The following NPAS3 variants were observed in gnomAD, a reference collection of about 807,000 sequenced individuals.
The protein encoded by NPAS3 is neuronal PAS domain-containing protein 3.
Under a neutral mutation model 73.1 loss-of-function variants are expected in NPAS3, and 14 were observed. That is an observed-to-expected ratio of 0.19 (90% CI 0.13 to 0.30). The LOEUF (loss-of-function observed/expected upper bound fraction) is 0.30. Among genes scored for constraint, NPAS3 ranks in the 10% least tolerant of loss-of-function variants. The probability of loss-of-function intolerance (pLI) is 1.00; values close to 1 mark genes in which losing one functional copy is unlikely to be tolerated. For synonymous variants in NPAS3, 620 were observed against 541.5 expected, an observed-to-expected ratio of 1.14 and a Z score of -2.01; for missense variants, 1,096 against 1,250.0, an observed-to-expected ratio of 0.88 and a Z score of 1.86.
chr14:33,667,730 C>T (rs915591456), intron 5 of NPAS3, among the ~76,000 whole-genome samples: 25 of 152,038 alleles, frequency 1.6e-4, no homozygotes, highest in Non-Finnish European at 2.9e-5. Context: ...AAATTATACA[C>T]CATGGCCATG....
intron 2 of NPAS3, among the ~76,000 whole-genome samples, chr14:33,075,076 G>A (rs906928036): frequency 6.6e-6 from 1 of 152,138 alleles, no homozygotes; most frequent in Non-Finnish European, 1.5e-5. Flanking sequence ...TAAATCATAA[G>A]AGTATGTTGA....
At chr14:33,452,766 C>A (rs2049855313) in intron 4 of NPAS3, among the ~76,000 whole-genome samples, 1 of 95,068 alleles carries the variant, frequency 1.1e-5, no homozygotes. Flanking sequence ...CAGAGTTAGA[C>A]TCTGTCTCAA....
At chr14:33,153,284 T>A (rs1307635544) in intron 2 of NPAS3, among the ~76,000 whole-genome samples, 2 of 152,174 alleles carry the variant, frequency 1.3e-5, no homozygotes, top group Non-Finnish European at 2.9e-5. Flanking sequence ...AATCTTTGAT[T>A]GTCTATTTAT....
chr14:33,534,438 A>G (rs1479869618), intron 4 of NPAS3, among the ~76,000 whole-genome samples: 1 of 152,138 alleles, frequency 6.6e-6, no homozygotes, highest in African/African-American at 2.4e-5. Flanking sequence ...CTTGAATGAC[A>G]TAGTTGCTAG....
chr14:33,698,325 A>T (rs11156811), intron 6 of NPAS3, among the ~76,000 whole-genome samples: 12,255 of 152,294 alleles, frequency 0.08, 695 homozygotes, highest in South Asian at 0.28. Context: ...AGGTTTTTTT[A>T]AAATTATGTG....
chr14:33,618,929 A>G (rs1047348041), intron 5 of NPAS3, among the ~76,000 whole-genome samples: 1 of 152,226 alleles, frequency 6.6e-6, no homozygotes, highest in African/African-American at 2.4e-5. Flanking sequence ...AAAGAGAAGC[A>G]GTGAGGTGCT....
exon 8 of NPAS3, chr14:33,774,476 A>G: frequency 8.1e-6 from 13 of 1,614,234 alleles, no homozygotes; most frequent in Non-Finnish European, 1.1e-5. Flanking sequence ...ATTGACTGCC[A>G]TATGTTCGTC....
intron 4 of NPAS3, among the ~76,000 whole-genome samples, chr14:33,374,484 G>GTT (rs35653493): frequency 6.6e-5 from 10 of 151,388 alleles, no homozygotes; most frequent in African/African-American, 1.2e-4. Flanking sequence ...TCTACCAGAA[G>GTT]TTTTTTTTAA....
chr14:33,237,733 T>C (rs2048083740), intron 3 of NPAS3, among the ~76,000 whole-genome samples: 1 of 151,966 alleles, frequency 6.6e-6, no homozygotes, highest in Admixed American at 6.6e-5. Flanking sequence ...TATACATATA[T>C]TTTTCTATGT....
rs181660826 is a variant in NPAS3, at chr14:33,112,908, A to G, written c.140+56914A>G. On this transcript the variant is annotated intron_variant, in intron 2 of 11. Coordinates refer to ENST00000356141, the Ensembl canonical transcript of NPAS3. ...ATGGCTAGCCAGTTTTCCCAGCACC[A>G]TTTATTAAATAGGGAATCCTTTCCC... Among the ~76,000 whole-genome samples, 259 of 152,284 alleles carry G rather than the reference A, an allele frequency of 1.7e-3. 1 individual carries two copies. Among genetic ancestry groups the G allele is most frequent in the African/African-American group, 5.8e-3 (243 of 41,552 alleles).
At chr14:33,576,633 T>G (rs557695567) in intron 5 of NPAS3, among the ~76,000 whole-genome samples, 1 of 152,334 alleles carries the variant, frequency 6.6e-6, no homozygotes, top group Non-Finnish European at 1.5e-5. Context: ...GAAATATCCC[T>G]GCCTGCAGGA....
At chr14:33,024,847 A>C (rs964280616) in intron 1 of NPAS3, among the ~76,000 whole-genome samples, 2 of 152,240 alleles carry the variant, frequency 1.3e-5, no homozygotes, top group Admixed American at 1.3e-4. Context: ...TTGTAATCAG[A>C]AAACACCAAA....
intron 1 of NPAS3, among the ~76,000 whole-genome samples, chr14:32,998,924 C>T (rs765176685): frequency 1.2e-4 from 18 of 152,240 alleles, no homozygotes; most frequent in South Asian, 4.1e-4. Context: ...AAAGCCCCTT[C>T]GCACTGTGCT....
At chr14:33,743,328 CT>C (rs986002078) in intron 7 of NPAS3, among the ~76,000 whole-genome samples, 1 of 152,170 alleles carries the variant, frequency 6.6e-6, no homozygotes, top group African/African-American at 2.4e-5. Context: ...ACTGACCCCC[CT>C]GTATGTTGCC....
chr14:33,641,115 A>G (rs372235357), intron 5 of NPAS3, among the ~76,000 whole-genome samples: 2 of 152,210 alleles, frequency 1.3e-5, no homozygotes, highest in East Asian at 3.9e-4. Context: ...TTAAATGACC[A>G]TCTCATAATT....
chr14:33,207,234 T>TACAC (rs760045327), intron 2 of NPAS3, among the ~76,000 whole-genome samples: 18 of 88,424 alleles, frequency 2.0e-4, no homozygotes, highest in South Asian at 5.2e-4. Flanking sequence ...CAAAGAACAT[T>TACAC]ACACACACAC....
chr14:33,265,786 T>G (rs2040787061), intron 3 of NPAS3, among the ~76,000 whole-genome samples: 1 of 151,994 alleles, frequency 6.6e-6, no homozygotes, highest in Admixed American at 6.6e-5. Context: ...TTGAAATATT[T>G]AAATCAACCC....
chr14:33,001,421 T>G (rs1056722796), intron 1 of NPAS3, among the ~76,000 whole-genome samples: 2 of 152,056 alleles, frequency 1.3e-5, no homozygotes, highest in African/African-American at 4.8e-5. Context: ...TGCCTTCACT[T>G]TTTTGCTAGT....
chr14:33,431,389 T>TA (rs1441940707), intron 4 of NPAS3, among the ~76,000 whole-genome samples: 8 of 152,128 alleles, frequency 5.3e-5, no homozygotes, highest in Non-Finnish European at 1.5e-5. Context: ...TACTTAAACA[T>TA]AAAAAATTTA....
Sources: gnomAD v4.1 joint callset for allele counts (sites outside exome capture counted in the v4.1 genomes callset) on GRCh38, gnomAD v4.1.1 for gene constraint, MANE v1.5 for transcripts, NCBI Gene and HGNC (gene_info 2026-07-23, HGNC 2026-07-21) for gene names.